The following ELAVL2 variants were observed in gnomAD, a reference collection of about 807,000 sequenced individuals.
ELAVL2 encodes the protein ELAV-like protein 2.
ELAVL2 carries 4 observed loss-of-function variants against 34.6 expected under a neutral mutation model. That is an observed-to-expected ratio of 0.12 (90% CI 0.06 to 0.26). The LOEUF is 0.26. Ranked by LOEUF, ELAVL2 falls within the 10% of genes least tolerant of loss-of-function variation. The pLI is 1.00. For synonymous variants in ELAVL2, 193 were observed against 154.8 expected (o/e 1.25, Z -1.83); for missense variants, 432 against 442.8 (o/e 0.98, Z 0.22).
At chr9:23,742,028 A>G (rs1263146853) in intron 2 of ELAVL2, among the ~76,000 whole-genome samples, 1 of 152,162 alleles carries the variant, frequency 6.6e-6, no homozygotes, top group African/African-American at 2.4e-5. Flanking sequence ...CTTCCTTGGC[A>G]TGATAACATC....
In ELAVL2 at chr9:23,690,919, GT is replaced by G. The variant is rs960782179; in HGVS notation, c.*1637del. 1 of 152,416 alleles carries G rather than the reference GT, an allele frequency of 6.6e-6. No homozygotes were observed. Among genetic ancestry groups the G allele is most frequent in the Non-Finnish European group, 1.5e-5 (1 of 67,974 alleles). 9.4% of individuals were successfully genotyped at this position (152,416 alleles called of 1,614,324 possible). On this transcript the variant is annotated 3_prime_UTR_variant, in exon 7 of 7. Coordinates refer to ENST00000397312, the MANE Select transcript of ELAVL2 (RefSeq NM_004432.5). ...TATTTTATTATTTCCCCAAATAGTG[GT>G]TTTTAAGCATCATACAAAGTTAAAT...
chr9:23,736,534 A>C (rs534087280), intron 2 of ELAVL2, among the ~76,000 whole-genome samples: 1 of 152,278 alleles, frequency 6.6e-6, no homozygotes, highest in South Asian at 2.1e-4. Flanking sequence ...AGCAGGCCCT[A>C]TCCTGCAGGT....
At chr9:23,721,900 A>G (rs1240593166) in intron 3 of ELAVL2, among the ~76,000 whole-genome samples, 1 of 152,204 alleles carries the variant, frequency 6.6e-6, no homozygotes, top group Non-Finnish European at 1.5e-5. Flanking sequence ...TGTTATCAGT[A>G]AGGCTTCTAG....
chr9:23,773,104 G>C (rs1384385252), intron 1 of ELAVL2, among the ~76,000 whole-genome samples: 2 of 152,160 alleles, frequency 1.3e-5, no homozygotes, highest in African/African-American at 2.4e-5. Flanking sequence ...TTCAATGCAA[G>C]TGTTATTTTT....
At chr9:23,849,784 T>A in the ELAVL2 span, 1 of 152,206 alleles carries the variant, frequency 6.6e-6, no homozygotes, top group Non-Finnish European at 1.5e-5. Flanking sequence ...TTCTTTTTGT[T>A]GTTGTTTAAC....
intron 1 of ELAVL2, chr9:23,765,232 G>C (rs2055964870): frequency 5.6e-6 from 4 of 708,586 alleles, no homozygotes; most frequent in Non-Finnish European, 6.7e-6. Flanking sequence ...TTGAAATTGA[G>C]GCAATTCCAA....
chr9:23,730,931 C>T lies in ELAVL2; in HGVS notation c.333+91G>A, dbSNP rs796770753. The T allele has an allele frequency of 4.9e-6, 6 of 1,222,962 alleles. No individual in the cohort carries two copies. In the South Asian group the frequency reaches 9.4e-5, roughly 19 times the overall value. 75.8% of individuals were successfully genotyped at this position (1,222,962 alleles called of 1,614,324 possible). A position where few individuals can be genotyped will look rare whatever the true frequency, so the allele number is the denominator to read the frequency against. On this transcript the variant is annotated intron_variant, in intron 3 of 6. Transcript: ENST00000397312. ...TCTCCCAGGTAACTGTTTATATGGG[C>T]CCAAAAGGAAGAAAGGAAAGAACTA...
chr9:23,788,786 T>TGGCTA (rs1448691489), intron 1 of ELAVL2, among the ~76,000 whole-genome samples: 2 of 152,152 alleles, frequency 1.3e-5, no homozygotes, highest in Non-Finnish European at 1.5e-5. Flanking sequence ...ATAACTGAGA[T>TGGCTA]GGCTATACTA....
At chr9:23,832,346 A>C in the ELAVL2 span, 1 of 152,216 alleles carries the variant, frequency 6.6e-6, no homozygotes, top group Non-Finnish European at 1.5e-5. Flanking sequence ...CAGGAAACAA[A>C]AAAAAATCCC....
At chr9:23,726,970 T>C (rs1260300517) in intron 3 of ELAVL2, among the ~76,000 whole-genome samples, 2 of 152,066 alleles carry the variant, frequency 1.3e-5, no homozygotes, top group Non-Finnish European at 2.9e-5. Flanking sequence ...ACCTCTCTTC[T>C]TCTCACCAGC....
intron 5 of ELAVL2, among the ~76,000 whole-genome samples, chr9:23,697,032 G>C (rs1299478736): frequency 6.6e-6 from 1 of 152,028 alleles, no homozygotes; most frequent in Non-Finnish European, 1.5e-5. Context: ...CTCCCTGGGG[G>C]AAGACTGAGC....
At chr9:23,714,595 C>T (rs916151583) in intron 3 of ELAVL2, among the ~76,000 whole-genome samples, 1 of 152,176 alleles carries the variant, frequency 6.6e-6, no homozygotes, top group African/African-American at 2.4e-5. Context: ...CCTCTCACTA[C>T]CTCAATTCTC....
intron 3 of ELAVL2, among the ~76,000 whole-genome samples, chr9:23,720,617 A>C (rs372987450): frequency 5.2e-5 from 8 of 152,382 alleles, no homozygotes; most frequent in African/African-American, 1.9e-4. Context: ...ATTGTGTGTG[A>C]GAACGTGCAT....
At chr9:23,775,301 T>G (rs2058015089) in intron 1 of ELAVL2, among the ~76,000 whole-genome samples, 1 of 152,188 alleles carries the variant, frequency 6.6e-6, no homozygotes, top group Non-Finnish European at 1.5e-5. Flanking sequence ...CGCTTGTAAT[T>G]CCAACACTTT....
chr9:23,706,778 T>C (rs1021800790), intron 3 of ELAVL2, among the ~76,000 whole-genome samples: 6 of 152,204 alleles, frequency 3.9e-5, no homozygotes, highest in Admixed American at 1.3e-4. Context: ...AAATAACTTT[T>C]AGTATGAAGC....
At chr9:23,823,049 G>A (rs1003493874) in intron 1 of ELAVL2, among the ~76,000 whole-genome samples, 52 of 152,102 alleles carry the variant, frequency 3.4e-4, no homozygotes, top group African/African-American at 1.1e-3. Flanking sequence ...GGTCAAAAGC[G>A]AGATAGGCCA....
chr9:23,784,612 T>C (rs2059463955), intron 1 of ELAVL2, among the ~76,000 whole-genome samples: 1 of 152,148 alleles, frequency 6.6e-6, no homozygotes, highest in Non-Finnish European at 1.5e-5. Context: ...GTTTTACAAT[T>C]ATGGATAAAA....
At chr9:23,845,073 A>G in the ELAVL2 span, among the ~76,000 whole-genome samples, 1 of 151,950 alleles carries the variant, frequency 6.6e-6, no homozygotes. Flanking sequence ...AATAGACTCC[A>G]GAATTTATCC....
intron 1 of ELAVL2, among the ~76,000 whole-genome samples, chr9:23,787,447 G>A (rs2059829357): frequency 6.6e-6 from 1 of 151,492 alleles, no homozygotes; most frequent in Admixed American, 6.6e-5. Flanking sequence ...GGCCAGGCTG[G>A]TCTCGAACTC....
Sources: allele counts gnomAD v4.1 joint callset (sites outside exome capture counted in the v4.1 genomes callset), GRCh38; gene constraint gnomAD v4.1.1; transcripts MANE v1.5; gene names NCBI Gene and HGNC (gene_info 2026-07-23, HGNC 2026-07-21).